PARP8: variants seen among roughly 807,000 people sequenced by gnomAD.
PARP8 encodes protein mono-ADP-ribosyltransferase PARP8.
In PARP8, 51 loss-of-function variants were observed where a neutral mutation model predicts 124.1. The observed-to-expected ratio is 0.41, with a 90% CI of 0.33 to 0.52. PARP8 has a LOEUF of 0.52. Ranked by LOEUF, PARP8 falls within the 20% of genes least tolerant of loss-of-function variation. The pLI is 0.21. For missense variants in PARP8, 860 were observed against 1,018.9 expected (o/e 0.84, Z 2.12); for synonymous variants, 391 against 361.5 (o/e 1.08, Z -0.93).
At chr5:50,778,840 A>T (rs1437657916) in intron 9 of PARP8, among the ~76,000 whole-genome samples, 190 bp downstream of exon 9, 2 of 152,154 alleles carry the variant, frequency 1.3e-5, no homozygotes, top group African/African-American at 4.8e-5. Context: ...GAAACGTAAG[A>T]TTTCATTTTA....
chr5:50,806,682 T>A (rs991443983), intron 14 of PARP8, among the ~76,000 whole-genome samples: 1 of 152,036 alleles, frequency 6.6e-6, no homozygotes, highest in Non-Finnish European at 1.5e-5. Flanking sequence ...TTAAAGAAAC[T>A]TTTCATGTTG....
intron 2 of PARP8, among the ~76,000 whole-genome samples, chr5:50,730,489 G>T (rs1193866830): frequency 6.6e-6 from 1 of 152,116 alleles, no homozygotes; most frequent in Non-Finnish European, 1.5e-5. Context: ...TCACTATTAT[G>T]AGAACAGCAG....
intron 14 of PARP8, among the ~76,000 whole-genome samples, chr5:50,805,792 T>G (rs1340973787): frequency 6.6e-6 from 1 of 152,114 alleles, no homozygotes; most frequent in Non-Finnish European, 1.5e-5. Context: ...GTGTACTATT[T>G]TTTTGCCAGT....
At chr5:50,707,895 T>C (rs1754326636) in intron 2 of PARP8, among the ~76,000 whole-genome samples, 2 of 152,110 alleles carry the variant, frequency 1.3e-5, no homozygotes, top group South Asian at 4.1e-4. Context: ...TGAATGCCTG[T>C]TATATTATTG....
At chr5:50,694,025 T>C (rs1299926176) in intron 2 of PARP8, among the ~76,000 whole-genome samples, 1 of 152,146 alleles carries the variant, frequency 6.6e-6, no homozygotes, top group African/African-American at 2.4e-5. Context: ...GACTTTTTAC[T>C]TAACAGTAGC....
chr5:50,741,730 A>G (rs1758058801), intron 2 of PARP8: 1 of 333,502 alleles, frequency 3.0e-6, no homozygotes. Flanking sequence ...TTGTTGGGCA[A>G]GAGTCTTCAT....
At chr5:50,725,398 A>G (rs955533177) in intron 2 of PARP8, among the ~76,000 whole-genome samples, 1 of 152,122 alleles carries the variant, frequency 6.6e-6, no homozygotes, top group Non-Finnish European at 1.5e-5. Context: ...GTCTAAAGTA[A>G]GAAAAGGCAA....
intron 7 of PARP8, 75 bp downstream of exon 7, chr5:50,763,317 A>G: frequency 8.2e-7 from 1 of 1,217,384 alleles, no homozygotes; most frequent in Non-Finnish European, 1.2e-6. Flanking sequence ...GAGTAATTTA[A>G]AGGAAAAATT....
intron 24 of PARP8, 144 bp downstream of exon 24, chr5:50,834,192 A>T: frequency 1.5e-6 from 1 of 646,602 alleles, no homozygotes; most frequent in Non-Finnish European, 2.6e-6. Flanking sequence ...AAATGCAAAA[A>T]CGGGTACCGT....
chr5:50,842,084 T>G lies in PARP8; in HGVS notation c.*16T>G, dbSNP rs1254825241. 1 of 1,542,164 alleles carries G rather than the reference T, an allele frequency of 6.5e-7. No homozygotes were observed. Among genetic ancestry groups the G allele is most frequent in the South Asian group, 1.2e-5 (1 of 86,292 alleles). On this transcript the variant is annotated 3_prime_UTR_variant, in exon 26 of 26. Transcript: ENST00000281631. ...TACTGGTTAAAGGACCACCATTTAA[T>G]TAACATGATTCGAAAGCCTTCCTCG...
At chr5:50,798,457 G>A (rs1742808221) in intron 14 of PARP8, among the ~76,000 whole-genome samples, 1 of 146,448 alleles carries the variant, frequency 6.8e-6, no homozygotes, top group Non-Finnish European at 1.5e-5. Context: ...GTCTCGCTCT[G>A]TCACCCAGGC....
At chr5:50,757,404 G>A (rs1580230559) in intron 3 of PARP8, among the ~76,000 whole-genome samples, 1 of 152,086 alleles carries the variant, frequency 6.6e-6, no homozygotes, top group Non-Finnish European at 1.5e-5. Context: ...GGTTTGATGT[G>A]CTTTCTTTCC....
chr5:50,674,413 A>T (rs1216081337), intron 2 of PARP8, among the ~76,000 whole-genome samples: 1 of 152,186 alleles, frequency 6.6e-6, no homozygotes, highest in Non-Finnish European at 1.5e-5. Context: ...TCCCATGTCA[A>T]CATTTAGCCC....
chr5:50,720,661 C>T (rs1282057752), intron 2 of PARP8, among the ~76,000 whole-genome samples: 1 of 151,976 alleles, frequency 6.6e-6, no homozygotes, highest in Non-Finnish European at 1.5e-5. Flanking sequence ...TGATTCAGTG[C>T]ACCATATTCT....
At position 50,754,577 on chromosome 5, in the gene PARP8, C is replaced by A. The variant is rs1306481706; in HGVS notation, c.184+4389C>A. Among the ~76,000 whole-genome samples the A allele has an allele frequency of 2.0e-5, 3 of 152,246 alleles. No individual in the cohort carries two copies. In the East Asian group the frequency reaches 5.8e-4, roughly 29 times the overall value. On this transcript the variant is annotated intron_variant, in intron 3 of 25. Transcript: ENST00000281631. ...ATGTGCCACATTTTCTTAATCCAGT[C>A]TATCATTGATGGACATTTGGGTTGG...
chr5:50,687,800 A>G (rs1752032717), intron 2 of PARP8, among the ~76,000 whole-genome samples: 1 of 152,152 alleles, frequency 6.6e-6, no homozygotes. Flanking sequence ...GCAGCACCAG[A>G]AGGAACTGCC....
chr5:50,770,163 A>G (rs779146775), intron 7 of PARP8, among the ~76,000 whole-genome samples: 3 of 152,124 alleles, frequency 2.0e-5, no homozygotes, highest in Non-Finnish European at 4.4e-5. Context: ...TCAACATGCT[A>G]TAGTTTACTT....
At chr5:50,774,095 C>T (rs572629593) in intron 7 of PARP8, among the ~76,000 whole-genome samples, 1 of 152,044 alleles carries the variant, frequency 6.6e-6, no homozygotes, top group Non-Finnish European at 1.5e-5. Flanking sequence ...CTTGCACTGC[C>T]CTTAATGCAT....
intron 2 of PARP8, chr5:50,744,927 A>G: frequency 1.7e-6 from 1 of 589,000 alleles, no homozygotes; most frequent in Non-Finnish European, 3.0e-6. Flanking sequence ...AGTACTCTGC[A>G]ATCTACTTAA....
Sources: allele counts gnomAD v4.1 joint callset (sites outside exome capture counted in the v4.1 genomes callset), GRCh38; gene constraint gnomAD v4.1.1; transcripts MANE v1.5; gene names NCBI Gene and HGNC (gene_info 2026-07-23, HGNC 2026-07-21).